The following HTT variants were observed in gnomAD, a reference collection of about 807,000 sequenced individuals.
The protein encoded by HTT is huntingtin.
In HTT, 104 loss-of-function variants were observed where a neutral mutation model predicts 362.3. The ratio of observed to expected loss-of-function variants is 0.29; its 90% CI spans 0.24 to 0.34. The LOEUF (loss-of-function observed/expected upper bound fraction) is 0.34. HTT is among the 10% of genes least tolerant of loss of function. HTT has a pLI of 1.00. For missense variants in HTT, 3,301 were observed against 3,928.6 expected, an observed-to-expected ratio of 0.84 and a Z score of 4.27; for synonymous variants, 1,577 against 1,548.7, an observed-to-expected ratio of 1.02 and a Z score of -0.43.
chr4:3,075,463 C>T (rs1304570877), intron 1 of HTT, among the ~76,000 whole-genome samples: 1 of 152,172 alleles, frequency 6.6e-6, no homozygotes, highest in African/African-American at 2.4e-5. Flanking sequence ...GTTCTTTTAA[C>T]TGCGTTGTGA....
rs1203794450 is a variant in HTT at position 3,239,870 on chromosome 4, G to A, written c.9240G>A (p.Met3080Ile). 5 of 1,561,740 alleles carry A rather than the reference G, an allele frequency of 3.2e-6. No homozygotes were observed. The African/African-American group carries it at 6.8e-5, about 21-fold the overall frequency. The part of the protein sequence containing the change: ...AAILPHVISR[M>I]GKLEQVDVNL... Reference sequence around the variant, plus strand: ...GCCTCCCACATGTCATCAGCAGGATGGGCAAGCTGGAGCAGGTGGACGTGA... The same window carrying A: ...GCCTCCCACATGTCATCAGCAGGATAGGCAAGCTGGAGCAGGTGGACGTGA... Residue 3080 changes from methionine (M) to isoleucine (I), a missense_variant, in exon 67 of 67, where the codon ATG becomes ATA. Coordinates refer to ENST00000355072, the MANE Select transcript of HTT (RefSeq NM_001388492.1).
At chr4:3,229,128 A>G (rs751069478) in intron 59 of HTT, 119 bp downstream of exon 59, 85 of 967,100 alleles carry the variant, frequency 8.8e-5, no homozygotes, top group Middle Eastern at 3.1e-4. Flanking sequence ...CCCCTCATGC[A>G]TGCAACACAC....
At position 3,195,926 on chromosome 4, in the gene HTT, T is replaced by G. The variant is rs143758222; in HGVS notation, c.5369-3806T>G. On this transcript the variant is annotated intron_variant, in intron 40 of 66. Coordinates refer to ENST00000355072, the MANE Select transcript of HTT (RefSeq NM_001388492.1). ...TGCCTTTGCTGGTGTTCTCTCGTGG[T>G]GACAGGTCACAGCCCCACCCTGTAA... Among the ~76,000 whole-genome samples the G allele has an allele frequency of 6.8e-4, 103 of 152,282 alleles. No homozygotes were observed. In the East Asian group the frequency reaches 0.018, roughly 26 times the overall value.
At chr4:3,198,199 C>T (rs1719355625) in intron 40 of HTT, among the ~76,000 whole-genome samples, 2 of 141,044 alleles carry the variant, frequency 1.4e-5, no homozygotes, top group Admixed American at 1.4e-4. Flanking sequence ...GACCCTTTCA[C>T]TTTGGGGATG....
rs551700783 is a variant in HTT, at chr4:3,102,017, A to G, written c.469-1807A>G. Among the ~76,000 whole-genome samples, 862 of 152,328 alleles carry G rather than the reference A, an allele frequency of 5.7e-3. 3 individuals are homozygous for G. Among genetic ancestry groups the G allele is most frequent in the Non-Finnish European group, 9.5e-3 (648 of 68,020 alleles). On this transcript the variant is annotated intron_variant, in intron 3 of 66. Coordinates refer to ENST00000355072, the MANE Select transcript of HTT (RefSeq NM_001388492.1). Reference sequence around the variant, plus strand: ...GTGGGACACCATGAGGGTCAGGTCAAGGGGTTGTACCTTGTTTGGTAGAGA... The same window carrying G: ...GTGGGACACCATGAGGGTCAGGTCAGGGGGTTGTACCTTGTTTGGTAGAGA...
intron 29 of HTT, among the ~76,000 whole-genome samples, chr4:3,172,055 C>G (rs977908780): frequency 1.3e-5 from 2 of 152,278 alleles, no homozygotes; most frequent in South Asian, 2.1e-4. Context: ...TAATAGACAA[C>G]AGGTACTTGA....
chr4:3,225,072 C>G (rs1174567668), intron 56 of HTT, among the ~76,000 whole-genome samples: 1 of 151,730 alleles, frequency 6.6e-6, no homozygotes. Context: ...AGAGGGTTAG[C>G]TGGGGACATT....
chr4:3,094,792 G>C (rs1170891406), intron 2 of HTT, among the ~76,000 whole-genome samples: 1 of 149,918 alleles, frequency 6.7e-6, no homozygotes, highest in South Asian at 2.1e-4. Flanking sequence ...TGGGCGGAGG[G>C]GCTCCTCACT....
intron 6 of HTT, among the ~76,000 whole-genome samples, chr4:3,109,604 T>TA (rs1714629964): frequency 6.6e-6 from 1 of 152,218 alleles, no homozygotes; most frequent in Non-Finnish European, 1.5e-5. Context: ...TCACTATAGT[T>TA]CTATCAGAAT....
rs1720506809 is a variant in HTT, at chr4:3,218,255, C to T, written c.7242+303C>T. Among the ~76,000 whole-genome samples the T allele has an allele frequency of 6.6e-6, 1 of 152,230 alleles. No individual in the cohort carries two copies. Among genetic ancestry groups the T allele is most frequent in the Admixed American group, 6.5e-5 (1 of 15,288 alleles). ...GCTTAATAGCAGACCAGAAACCACA[C>T]CCCCTCGAGTGAGTGAGATTTTCCT... On this transcript the variant is annotated intron_variant, in intron 52 of 66. Transcript: ENST00000355072. This position sits in a 1 kb window ranked among gnomAD's most constrained non-coding sequence, Gnocchi z 4.4.
At position 3,127,219 on chromosome 4, in the gene HTT, T is replaced by C. The variant is rs16843871; in HGVS notation, c.1403-45T>C. ...TGCAAGCCTGTGATTCCCTATTGAA[T>C]GTTTTCTCTCGCCATTTGACAAATG... On this transcript the variant is annotated intron_variant, in intron 11 of 66. Coordinates refer to ENST00000355072, the MANE Select transcript of HTT (RefSeq NM_001388492.1). 11,719 of 1,419,952 alleles carry C rather than the reference T, an allele frequency of 8.3e-3. 635 individuals carry two copies. The African/African-American group carries it at 0.13, about 16-fold the overall frequency. 88.0% of individuals were successfully genotyped at this position (1,419,952 alleles called of 1,614,324 possible).
chr4:3,240,194 G>A lies in HTT; in HGVS notation c.*135G>A, dbSNP rs913706010. The A allele has an allele frequency of 1.8e-4, 122 of 688,770 alleles. No homozygotes were observed. In the South Asian group the frequency reaches 2.0e-3, roughly 12 times the overall value. The allele number at this position is 688,770 out of a possible 1,614,324, so 42.7% of individuals were successfully genotyped here. The stretch of plus-strand genomic sequence containing the variant: ...CACATGCCGCGGGCGGCCAGGCAAC[G>A]TGCGTGTCTCTGCCATGTGGCAGAA... On this transcript the variant is annotated 3_prime_UTR_variant, in exon 67 of 67. Coordinates refer to ENST00000355072, the MANE Select transcript of HTT (RefSeq NM_001388492.1).
intron 38 of HTT, among the ~76,000 whole-genome samples, chr4:3,187,287 C>G (rs1488481687): frequency 6.6e-6 from 1 of 151,918 alleles, no homozygotes; most frequent in Non-Finnish European, 1.5e-5. Context: ...TCCCGAGTAG[C>G]TGGGACTACA....
chr4:3,075,752 T>A (rs1440068930), intron 1 of HTT, among the ~76,000 whole-genome samples: 2 of 151,962 alleles, frequency 1.3e-5, no homozygotes, highest in African/African-American at 4.8e-5. Context: ...GTCAGGACAT[T>A]TCATTTAGTT....
chr4:3,138,296 AT>A (rs1402267647), intron 21 of HTT, among the ~76,000 whole-genome samples: 1 of 151,982 alleles, frequency 6.6e-6, no homozygotes, highest in Non-Finnish European at 1.5e-5. Flanking sequence ...ACATGGCTGA[AT>A]TTTGGTTACA....
At chr4:3,099,185 T>A (rs550376431) in intron 2 of HTT, 89 bp from the exon 3 acceptor site, 45 of 825,992 alleles carry the variant, frequency 5.4e-5, no homozygotes, top group Non-Finnish European at 7.8e-5. Flanking sequence ...TGTTCCAGAA[T>A]TCCATGCAGG....
chr4:3,173,957 C>A (rs376117877), intron 31 of HTT, among the ~76,000 whole-genome samples: 8 of 152,218 alleles, frequency 5.3e-5, no homozygotes, highest in African/African-American at 1.9e-4. Context: ...AGGCGTGAGC[C>A]ACCGCGCCCG....
At chr4:3,225,802 C>A in intron 57 of HTT, 59 bp downstream of exon 57, 1 of 1,248,628 alleles carries the variant, frequency 8.0e-7, no homozygotes, top group Non-Finnish European at 1.1e-6. Flanking sequence ...GACTTTGGCG[C>A]TTGACACACC....
chr4:3,221,220 G>A (rs1720656519), intron 53 of HTT, among the ~76,000 whole-genome samples: 1 of 152,166 alleles, frequency 6.6e-6, no homozygotes, highest in South Asian at 2.1e-4. Flanking sequence ...GGTTGTGGCA[G>A]GAGACACCTT....
Sources: allele counts gnomAD v4.1 joint callset (sites outside exome capture counted in the v4.1 genomes callset), GRCh38; gene constraint gnomAD v4.1.1; non-coding constraint Gnocchi (gnomAD v3.1); transcripts MANE v1.5; gene names NCBI Gene and HGNC (gene_info 2026-07-23, HGNC 2026-07-21).